Variants in AHI1 observed in about 807,000 individuals in gnomAD.
AHI1 encodes Abelson helper integration site 1, also known as jouberin.
A neutral mutation model predicts 149.3 loss-of-function variants in AHI1; 123 were observed. That is an observed-to-expected ratio of 0.82 (90% CI 0.71 to 0.96). AHI1 has a LOEUF of 0.96. Among genes scored for constraint, AHI1 ranks in the 40% least tolerant of loss-of-function variants. AHI1 has a pLI of 0.00. For missense variants in AHI1, 1,439 were observed against 1,422.7 expected (o/e 1.01, Z -0.18); for synonymous variants, 475 against 459.8 (o/e 1.03, Z -0.42).
At chr6:135,368,989 T>A (rs1242632008) in intron 23 of AHI1, among the ~76,000 whole-genome samples, 1 of 152,210 alleles carries the variant, frequency 6.6e-6, no homozygotes, top group African/African-American at 2.4e-5. Context: ...TTCCTTCTCC[T>A]TGTTGTCTTT....
intron 28 of AHI1, 88 bp from the exon 29 acceptor site, chr6:135,285,735 C>T: frequency 9.1e-7 from 1 of 1,103,372 alleles, no homozygotes; most frequent in Non-Finnish European, 1.3e-6. Flanking sequence ...CAGGCAACAG[C>T]ACAGGTAATA....
chr6:135,486,802 C>T (rs1365100120), intron 5 of AHI1, among the ~76,000 whole-genome samples: 1 of 152,160 alleles, frequency 6.6e-6, no homozygotes, highest in African/African-American at 2.4e-5. Flanking sequence ...GGATCTCCCT[C>T]TATCACTCCG....
chr6:135,320,343 C>G (rs549337400), intron 25 of AHI1, among the ~76,000 whole-genome samples: 1 of 152,242 alleles, frequency 6.6e-6, no homozygotes, highest in East Asian at 1.9e-4. Context: ...AGATGGTCAT[C>G]ATTGAGACAA....
chr6:135,407,392 C>T (rs1353578835), intron 21 of AHI1, among the ~76,000 whole-genome samples: 3 of 152,156 alleles, frequency 2.0e-5, no homozygotes, highest in African/African-American at 7.2e-5. Context: ...TAGAATGAGG[C>T]TGCCATGGGA....
At chr6:135,389,450 G>C (rs1161255773) in intron 23 of AHI1, among the ~76,000 whole-genome samples, 1 of 151,978 alleles carries the variant, frequency 6.6e-6, no homozygotes, top group African/African-American at 2.4e-5. Flanking sequence ...TATTTTCACT[G>C]TGAAGGAAAA....
At chr6:135,427,337 T>C in intron 19 of AHI1, 30 bp from the exon 20 acceptor site, 1 of 1,570,206 alleles carries the variant, frequency 6.4e-7, no homozygotes, top group Non-Finnish European at 8.7e-7. Flanking sequence ...CAAAAATGTA[T>C]ATCAGAGCAT....
chr6:135,440,021 T>C lies in AHI1; in HGVS notation c.1913-1523A>G, dbSNP rs1247094484. On this transcript the variant is annotated intron_variant, in intron 14 of 28. Transcript: ENST00000265602. ...AAATTTGAAGAGTATTTAAGAAAAA[T>C]GGCTGAATTTGGTAAGAACATTGAG... 2.6e-5 allele frequency among the ~76,000 whole-genome samples: 4 copies of C among 152,144 alleles called. No homozygotes were observed. The East Asian group carries it at 7.7e-4, about 29-fold the overall frequency.
intron 24 of AHI1, among the ~76,000 whole-genome samples, chr6:135,343,869 A>C (rs1229483052): frequency 6.6e-6 from 1 of 152,058 alleles, no homozygotes; most frequent in African/African-American, 2.4e-5. Flanking sequence ...CATAGGTATA[A>C]GTGACAAAAT....
chr6:135,378,426 T>C (rs184024997), intron 23 of AHI1, among the ~76,000 whole-genome samples: 1 of 152,360 alleles, frequency 6.6e-6, no homozygotes, highest in Non-Finnish European at 1.5e-5. Context: ...CTACAATTTT[T>C]AGTATTTGAT....
At chr6:135,301,498 C>G (rs1583582148) in intron 26 of AHI1, 1 of 985,310 alleles carries the variant, frequency 1.0e-6, no homozygotes. Flanking sequence ...TCTTCACAAT[C>G]AGATTTCTGC....
At chr6:135,490,973 T>C (rs1748910277) in intron 4 of AHI1, among the ~76,000 whole-genome samples, 1 of 152,186 alleles carries the variant, frequency 6.6e-6, no homozygotes, top group African/African-American at 2.4e-5. Context: ...ACTCTAAAAG[T>C]CTCCTTTGCT....
chr6:135,302,116 T>C, intron 26 of AHI1: 2 of 981,666 alleles, frequency 2.0e-6, no homozygotes, highest in Non-Finnish European at 2.4e-6. Context: ...CTCAGCCTTC[T>C]GAGTTGCTGG....
intron 26 of AHI1, among the ~76,000 whole-genome samples, chr6:135,313,188 T>C (rs181316792): frequency 2.0e-5 from 3 of 152,304 alleles, no homozygotes; most frequent in Non-Finnish European, 2.9e-5. Context: ...TTCTTTTCCA[T>C]AAACATAGAT....
At chr6:135,373,341 G>A (rs892816857) in intron 23 of AHI1, among the ~76,000 whole-genome samples, 1 of 152,114 alleles carries the variant, frequency 6.6e-6, no homozygotes, top group Admixed American at 6.6e-5. Context: ...AGGAACAGTT[G>A]GCCATACCAT....
At chr6:135,486,187 T>A (rs191363289) in intron 5 of AHI1, among the ~76,000 whole-genome samples, 4 of 152,326 alleles carry the variant, frequency 2.6e-5, no homozygotes, top group Admixed American at 2.0e-4. Context: ...AAAGACATCT[T>A]CCCTTGCAGG....
intron 23 of AHI1, among the ~76,000 whole-genome samples, chr6:135,377,963 T>C (rs540043405): frequency 1.3e-5 from 2 of 152,262 alleles, no homozygotes; most frequent in Admixed American, 1.3e-4. Flanking sequence ...TCAATAAATT[T>C]ACTATGTTTA....
chr6:135,388,076 C>T lies in AHI1; in HGVS notation c.3109+6700G>A, dbSNP rs767789516. On this transcript the variant is annotated intron_variant, in intron 23 of 28. Transcript: ENST00000265602. ...GTCGTTAAAAACTGCATAATAAAAA[C>T]ATTTTTGATTCTTTTTAGTACCATA... 5 of 1,601,794 alleles carry T rather than the reference C, an allele frequency of 3.1e-6. No homozygotes were observed. In the South Asian group the frequency reaches 5.6e-5, roughly 18 times the overall value.
At chr6:135,360,739 ATGT>A (rs1793735222) in intron 23 of AHI1, among the ~76,000 whole-genome samples, 1 of 152,242 alleles carries the variant, frequency 6.6e-6, no homozygotes, top group Non-Finnish European at 1.5e-5. Context: ...TAAAATGTTG[ATGT>A]TAGTATGAAA....
At chr6:135,463,442 T>C in intron 7 of AHI1, 136 bp from the exon 8 acceptor site, 2 of 688,602 alleles carry the variant, frequency 2.9e-6, no homozygotes, top group Non-Finnish European at 4.4e-6. Context: ...GAGAGATGCA[T>C]GTATTTTCTT....
Sources: gnomAD v4.1 joint callset for allele counts (sites outside exome capture counted in the v4.1 genomes callset) on GRCh38, gnomAD v4.1.1 for gene constraint, MANE v1.5 for transcripts, NCBI Gene and HGNC (gene_info 2026-07-23, HGNC 2026-07-21) for gene names.